Variants in FOXP1 observed in about 807,000 individuals in gnomAD.
FOXP1 encodes the protein forkhead box P1.
A neutral mutation model predicts 98.2 loss-of-function variants in FOXP1; 15 were observed. The observed-to-expected ratio is 0.15, with a 90% CI of 0.10 to 0.24. The LOEUF (loss-of-function observed/expected upper bound fraction) is 0.24. Among genes scored for constraint, FOXP1 ranks in the 10% least tolerant of loss-of-function variants. The pLI is 1.00. For synonymous variants in FOXP1, 371 were observed against 314.5 expected (o/e 1.18, Z -1.90); for missense variants, 633 against 848.5 (o/e 0.75, Z 3.15).
At chr3:71,162,095 G>A (rs569728767) in intron 6 of FOXP1, among the ~76,000 whole-genome samples, 2 of 152,274 alleles carry the variant, frequency 1.3e-5, no homozygotes, top group African/African-American at 4.8e-5. Flanking sequence ...CAGGCCAATC[G>A]AAGTAGACAC....
intron 6 of FOXP1, 109 bp from the exon 7 acceptor site, chr3:71,112,746 AT>A: frequency 2.6e-6 from 2 of 773,372 alleles, no homozygotes; most frequent in South Asian, 2.9e-5. Flanking sequence ...TGACTTTCCT[AT>A]TTCCTGGCAA....
At chr3:71,510,067 G>C (rs2042090050) in intron 2 of FOXP1, among the ~76,000 whole-genome samples, 1 of 152,112 alleles carries the variant, frequency 6.6e-6, no homozygotes, top group Non-Finnish European at 1.5e-5. Flanking sequence ...TGTAATCCCA[G>C]CTACCAGGGA....
chr3:71,111,229 T>C (rs2057893756), intron 7 of FOXP1, among the ~76,000 whole-genome samples: 1 of 152,122 alleles, frequency 6.6e-6, no homozygotes, highest in Non-Finnish European at 1.5e-5. Flanking sequence ...ATAGATTCTG[T>C]CCCCTCCTGT....
chr3:71,409,267 C>T (rs2082556359), intron 3 of FOXP1, among the ~76,000 whole-genome samples: 1 of 152,142 alleles, frequency 6.6e-6, no homozygotes, highest in South Asian at 2.1e-4. Flanking sequence ...CCACTTACCA[C>T]CAAGAGAAAC....
chr3:70,983,121 G>A (rs1303814865), intron 14 of FOXP1, among the ~76,000 whole-genome samples: 1 of 152,194 alleles, frequency 6.6e-6, no homozygotes, highest in East Asian at 1.9e-4. Context: ...AGGACAATGG[G>A]TGGCAGCCTT....
intron 6 of FOXP1, among the ~76,000 whole-genome samples, chr3:71,196,457 T>C (rs942273372): frequency 1.3e-5 from 2 of 152,094 alleles, no homozygotes; most frequent in Admixed American, 6.5e-5. Context: ...TCCTGAATGA[T>C]TTTTAGCTCC....
At chr3:71,396,398 T>C (rs528021227) in intron 3 of FOXP1, among the ~76,000 whole-genome samples, 1 of 152,236 alleles carries the variant, frequency 6.6e-6, no homozygotes, top group South Asian at 2.1e-4. Context: ...GACACACTAT[T>C]ATCATCTCCA....
chr3:71,100,381 T>G (rs2056847889), intron 7 of FOXP1, among the ~76,000 whole-genome samples: 1 of 152,226 alleles, frequency 6.6e-6, no homozygotes, highest in African/African-American at 2.4e-5. Context: ...TTCACTGATG[T>G]CTTATTAAAA....
chr3:70,988,087 A>G lies in FOXP1; in HGVS notation c.1063-10T>C. 6.2e-7 allele frequency: 1 copy of G among 1,613,440 alleles called. No individual in the cohort carries two copies. The highest frequency in any genetic ancestry group is 8.5e-7 in the Non-Finnish European group (1 of 1,179,328). On this transcript the variant is annotated splice_polypyrimidine_tract_variant and intron_variant, in intron 13 of 20. Transcript: ENST00000649528. ...CTTTGTCTTTTGCAAGCTGGCAAGAAGAAAATGCTTTGTTATTTCTCTGAA... is the reference window on the plus strand; with the variant it reads ...CTTTGTCTTTTGCAAGCTGGCAAGAGGAAAATGCTTTGTTATTTCTCTGAA...
chr3:71,130,529 C>T lies in FOXP1; in HGVS notation c.181-17892G>A, dbSNP rs773102933. The T allele has an allele frequency of 2.8e-5, 44 of 1,598,262 alleles. 1 individual carries two copies. In the Admixed American group the frequency reaches 5.0e-4, roughly 18 times the overall value. ...AATGAAGAGTTTGGCGAAGGGAGCC[C>T]GTACTGTCTGCCTTTGGATTTCCGT... On this transcript the variant is annotated intron_variant, in intron 6 of 20. Coordinates refer to ENST00000649528, the MANE Select transcript of FOXP1 (RefSeq NM_001349338.3).
chr3:70,982,172 CA>C (rs376437260), intron 14 of FOXP1, among the ~76,000 whole-genome samples: 1,586 of 151,990 alleles, frequency 0.01, 15 homozygotes, highest in Middle Eastern at 0.021. Context: ...AGTGCCCCCC[CA>C]AAAAAAATTA....
intron 5 of FOXP1, among the ~76,000 whole-genome samples, chr3:71,278,101 C>A (rs1361628245): frequency 6.6e-6 from 1 of 152,192 alleles, no homozygotes. Flanking sequence ...CTGGCCCCCT[C>A]TCTGTGCCTG....
At chr3:71,548,272 T>C (rs952693002) in intron 2 of FOXP1, among the ~76,000 whole-genome samples, 40 of 152,186 alleles carry the variant, frequency 2.6e-4, no homozygotes, top group African/African-American at 8.9e-4. Flanking sequence ...AGTTTAAAAC[T>C]AAACACACAC....
intron 14 of FOXP1, among the ~76,000 whole-genome samples, chr3:70,979,336 A>C (rs2038362931): frequency 6.7e-6 from 1 of 148,394 alleles, no homozygotes; most frequent in Non-Finnish European, 1.5e-5. Flanking sequence ...AAATAAATTA[A>C]TGAGCACTGT....
chr3:71,037,601 T>C (rs1213856015), intron 11 of FOXP1, among the ~76,000 whole-genome samples: 3 of 152,170 alleles, frequency 2.0e-5, no homozygotes, highest in African/African-American at 7.2e-5. Flanking sequence ...TTGAACTTGA[T>C]CCCCACCACA....
intron 3 of FOXP1, among the ~76,000 whole-genome samples, chr3:71,480,354 C>G (rs528990654): frequency 1.1e-4 from 16 of 152,226 alleles, no homozygotes; most frequent in Non-Finnish European, 1.9e-4. Flanking sequence ...ACCTTTACTT[C>G]TACACAGTTA....
intron 5 of FOXP1, among the ~76,000 whole-genome samples, chr3:71,263,344 C>A (rs542667615): frequency 6.6e-6 from 1 of 152,302 alleles, no homozygotes; most frequent in Non-Finnish European, 1.5e-5. Flanking sequence ...ATACCAGTGG[C>A]TGCTGAAAGA....
At chr3:71,271,409 C>T (rs780977431) in intron 5 of FOXP1, among the ~76,000 whole-genome samples, 2 of 152,074 alleles carry the variant, frequency 1.3e-5, no homozygotes, top group African/African-American at 2.4e-5. Flanking sequence ...AATTGCTGCC[C>T]ACCAATTCGG....
intron 6 of FOXP1, among the ~76,000 whole-genome samples, chr3:71,126,835 C>T (rs1245029129): frequency 6.4e-5 from 5 of 77,834 alleles, no homozygotes; most frequent in African/African-American, 2.2e-4. Flanking sequence ...AAGAAAAAAA[C>T]GAAACAAACA....
Sources: allele counts gnomAD v4.1 joint callset (sites outside exome capture counted in the v4.1 genomes callset), GRCh38; gene constraint gnomAD v4.1.1; transcripts MANE v1.5; gene names NCBI Gene and HGNC (gene_info 2026-07-23, HGNC 2026-07-21).